SLC25A12: variants seen among roughly 807,000 people sequenced by gnomAD.
The protein encoded by SLC25A12 is electrogenic aspartate/glutamate antiporter SLC25A12, mitochondrial.
A neutral mutation model predicts 83.3 loss-of-function variants in SLC25A12; 32 were observed. The observed-to-expected ratio is 0.38, with a 90% CI of 0.29 to 0.52. The LOEUF (loss-of-function observed/expected upper bound fraction) is 0.52. Among genes scored for constraint, SLC25A12 ranks in the 20% least tolerant of loss-of-function variants. The pLI is 0.84. For synonymous variants in SLC25A12, 267 were observed against 291.1 expected (o/e 0.92, Z 0.84); for missense variants, 611 against 835.6 (o/e 0.73, Z 3.31).
At chr2:171,883,698 C>T (rs1685746011) in intron 2 of SLC25A12, among the ~76,000 whole-genome samples, 2 of 152,196 alleles carry the variant, frequency 1.3e-5, no homozygotes, top group Non-Finnish European at 2.9e-5. Flanking sequence ...CACCACTTCA[C>T]CCTCATTCCC....
At chr2:171,865,811 A>AT in intron 3 of SLC25A12, among the ~76,000 whole-genome samples, 1 of 152,032 alleles carries the variant, frequency 6.6e-6, no homozygotes, top group South Asian at 2.1e-4. Context: ...GCATCCTCAT[A>AT]TTTTTCAACA....
intron 13 of SLC25A12, among the ~76,000 whole-genome samples, chr2:171,804,200 GA>G: frequency 6.6e-6 from 1 of 152,118 alleles, no homozygotes. Context: ...CACGCTAAGT[GA>G]AAAAAGTTAG....
intron 10 of SLC25A12, among the ~76,000 whole-genome samples, chr2:171,814,468 T>C (rs1229344692): frequency 1.3e-5 from 2 of 152,134 alleles, no homozygotes; most frequent in African/African-American, 4.8e-5. Context: ...CTGGGATTCA[T>C]ATCCCAAATC....
At chr2:171,807,735 G>T (rs554447991) in intron 13 of SLC25A12, among the ~76,000 whole-genome samples, 1 of 152,302 alleles carries the variant, frequency 6.6e-6, no homozygotes, top group Admixed American at 6.5e-5. Flanking sequence ...TTCATTTTTG[G>T]TGATCCACCT....
chr2:171,891,864 T>C (rs899187351), intron 2 of SLC25A12, among the ~76,000 whole-genome samples: 1 of 152,258 alleles, frequency 6.6e-6, no homozygotes, highest in African/African-American at 2.4e-5. Context: ...TCAGATATTA[T>C]GACCTTTAAG....
intron 2 of SLC25A12, among the ~76,000 whole-genome samples, chr2:171,882,060 T>C (rs1685705938): frequency 6.6e-6 from 1 of 152,214 alleles, no homozygotes; most frequent in African/African-American, 2.4e-5. Context: ...AGCTACCAAA[T>C]ACAGCAGTGT....
Position 171,810,233 on chromosome 2 carries a change from A to C in SLC25A12, c.1215T>G (p.Ile405Met). 6.2e-7 allele frequency: 1 copy of C among 1,613,204 alleles called. No homozygotes were observed. Among genetic ancestry groups the C allele is most frequent in the Non-Finnish European group, 8.5e-7 (1 of 1,179,190 alleles). The change falls in exon 12 of 18, where the codon ATT becomes ATG. Residue 405 changes from isoleucine to methionine, a missense_variant. Ile to Met is a conservative substitution (Grantham distance 10). This residue lies in a region of SLC25A12 where 540 missense variants were observed against 777.5 expected (regional missense o/e 0.69). Transcript: ENST00000422440. ...TTAGAGATAAACTTACAGTCAGTTT[A>C]ATGGCCTTTTCTGGAGCAACCCCTA... is the stretch of plus-strand genomic sequence containing the variant. ...QLIGVAPEKA[I>M]KLTVNDFVRD...
intron 4 of SLC25A12, among the ~76,000 whole-genome samples, chr2:171,847,141 G>GT (rs1266376661): frequency 2.0e-5 from 3 of 151,970 alleles, no homozygotes; most frequent in African/African-American, 2.4e-5. Context: ...CACTTTTAGG[G>GT]TTTTTTTAAG....
chr2:171,808,332 A>G (rs539092441), intron 13 of SLC25A12, among the ~76,000 whole-genome samples: 2 of 148,822 alleles, frequency 1.3e-5, no homozygotes, highest in Non-Finnish European at 1.5e-5. Flanking sequence ...TGTCATGCTT[A>G]CACTTTAAAG....
At chr2:171,892,390 T>C (rs962587750) in intron 2 of SLC25A12, among the ~76,000 whole-genome samples, 1 of 152,038 alleles carries the variant, frequency 6.6e-6, no homozygotes, top group African/African-American at 2.4e-5. Flanking sequence ...CACGCCCGGC[T>C]AATTTTTTGT....
intron 13 of SLC25A12, among the ~76,000 whole-genome samples, chr2:171,795,828 T>G (rs1017144360): frequency 6.7e-6 from 1 of 148,730 alleles, no homozygotes; most frequent in Non-Finnish European, 1.5e-5. Flanking sequence ...TAGAAATAAT[T>G]GATTGAGATT....
Position 171,826,888 on chromosome 2 carries a change from G to A in SLC25A12, c.846-6C>T, listed in dbSNP as rs1684311703. The A allele has an allele frequency of 6.4e-7, 1 of 1,561,524 alleles. No homozygotes were observed. The highest frequency in any genetic ancestry group is 1.7e-5 in the Admixed American group (1 of 59,810). On this transcript the variant is annotated splice_polypyrimidine_tract_variant and splice_region_variant and intron_variant, in intron 8 of 17. Coordinates refer to ENST00000422440, the MANE Select transcript of SLC25A12 (RefSeq NM_003705.5). The stretch of plus-strand genomic sequence containing the variant: ...TATCTGCCAAAGTCAAGCGCCTTCA[G>A]GAAAAATATAGGAAAGAATTGTTAG...
intron 2 of SLC25A12, among the ~76,000 whole-genome samples, chr2:171,886,735 C>T (rs1685830976): frequency 6.6e-6 from 1 of 152,110 alleles, no homozygotes; most frequent in Non-Finnish European, 1.5e-5. Context: ...TGGTCTCAAT[C>T]TCCTGACCTT....
intron 8 of SLC25A12, among the ~76,000 whole-genome samples, chr2:171,831,951 CCT>C (rs1316922723): frequency 1.3e-5 from 2 of 151,968 alleles, no homozygotes; most frequent in Non-Finnish European, 2.9e-5. Flanking sequence ...TAGATCTTCC[CCT>C]GTCTACAAGT....
intron 2 of SLC25A12, among the ~76,000 whole-genome samples, chr2:171,891,225 G>A (rs1447179990): frequency 2.0e-5 from 3 of 151,986 alleles, no homozygotes; most frequent in South Asian, 2.1e-4. Flanking sequence ...CTTGAACCCC[G>A]GAGGCAGAAG....
intron 5 of SLC25A12, among the ~76,000 whole-genome samples, chr2:171,838,448 A>C (rs1267662276): frequency 6.8e-6 from 1 of 148,084 alleles, no homozygotes; most frequent in Non-Finnish European, 1.5e-5. Context: ...CCTAAATAGC[A>C]TCAAAAGTAG....
chr2:171,847,138 A>C (rs915837872), intron 4 of SLC25A12, among the ~76,000 whole-genome samples: 1 of 152,122 alleles, frequency 6.6e-6, no homozygotes, highest in Non-Finnish European at 1.5e-5. Context: ...TGACACTTTT[A>C]GGGTTTTTTT....
chr2:171,788,526 G>GTCATTACAACTGGA (rs1331408851), intron 15 of SLC25A12: 2 of 156,882 alleles, frequency 1.3e-5, no homozygotes. Flanking sequence ...GAGGTGGCCA[G>GTCATTACAACTGGA]GCAGCCAGTT....
chr2:171,845,370 A>G (rs1029872654), intron 4 of SLC25A12, among the ~76,000 whole-genome samples: 9 of 152,076 alleles, frequency 5.9e-5, no homozygotes, highest in Non-Finnish European at 1.3e-4. Context: ...AAACTAATTT[A>G]GAAGCTCATG....
Sources: allele counts gnomAD v4.1 joint callset (sites outside exome capture counted in the v4.1 genomes callset), GRCh38; gene constraint gnomAD v4.1.1; regional missense constraint gnomAD v4.1.1; transcripts MANE v1.5; gene names NCBI Gene and HGNC (gene_info 2026-07-23, HGNC 2026-07-21).